DPP6: variants seen among roughly 807,000 people sequenced by gnomAD.
DPP6 encodes the protein A-type potassium channel modulatory protein DPP6.
Under a neutral mutation model 122.6 loss-of-function variants are expected in DPP6, and 69 were observed. That is an observed-to-expected ratio of 0.56 (90% CI 0.46 to 0.69). DPP6 has a LOEUF of 0.69. Among genes scored for constraint, DPP6 ranks in the 30% least tolerant of loss-of-function variants. The pLI, the probability that DPP6 is intolerant of heterozygous loss-of-function variation, is 0.00. For missense variants in DPP6, 928 were observed against 1,116.9 expected, an observed-to-expected ratio of 0.83 and a Z score of 2.41; for synonymous variants, 418 against 433.1, an observed-to-expected ratio of 0.97 and a Z score of 0.43.
rs373335250 is a variant in DPP6 at position 153,921,842 on chromosome 7, A to G, written c.51+34108A>G. Among the ~76,000 whole-genome samples, 36 of 152,342 alleles carry G rather than the reference A, an allele frequency of 2.4e-4. No individual in the cohort carries two copies. In the East Asian group the frequency reaches 3.5e-3, roughly 15 times the overall value. On this transcript the variant is annotated intron_variant, in intron 1 of 25. Coordinates refer to the DPP6 transcript ENST00000404039. ...ACCCCCAAGTCTAAATTTTGATTCA[A>G]GCAAACTTGAAAGTATCTGCAAGGC... is the stretch of plus-strand genomic sequence containing the variant.
intron 7 of DPP6, among the ~76,000 whole-genome samples, chr7:154,673,037 C>A (rs569226932): frequency 1.3e-5 from 2 of 152,238 alleles, no homozygotes; most frequent in South Asian, 2.1e-4. Flanking sequence ...AGCCTGACCC[C>A]AGAGCCACCA....
intron 5 of DPP6, among the ~76,000 whole-genome samples, chr7:154,615,716 C>G (rs1834199745): frequency 8.0e-6 from 1 of 124,994 alleles, no homozygotes; most frequent in South Asian, 3.1e-4. Context: ...TCACCACTAT[C>G]TATACACAAA....
chr7:154,639,110 C>G (rs1189875486), intron 6 of DPP6, among the ~76,000 whole-genome samples: 2 of 152,146 alleles, frequency 1.3e-5, no homozygotes, highest in East Asian at 3.9e-4. Context: ...AGCTGCTGCT[C>G]TCTGTTTTCT....
At chr7:154,566,810 C>A in intron 4 of DPP6, 32 bp from the exon 5 acceptor site, 1 of 1,276,314 alleles carries the variant, frequency 7.8e-7, no homozygotes, top group Non-Finnish European at 1.1e-6. Context: ...GTATGTAATG[C>A]TTTAAAATTC....
chr7:154,218,826 A>G (rs1013164824), intron 1 of DPP6, among the ~76,000 whole-genome samples: 1 of 152,218 alleles, frequency 6.6e-6, no homozygotes, highest in Non-Finnish European at 1.5e-5. Flanking sequence ...AAAAATGCAA[A>G]CATATGTACT....
intron 7 of DPP6, among the ~76,000 whole-genome samples, chr7:154,698,959 A>G (rs1275538088): frequency 1.3e-5 from 2 of 152,202 alleles, no homozygotes; most frequent in Non-Finnish European, 2.9e-5. Flanking sequence ...GATCTGAGTA[A>G]CCTACAGACG....
intron 8 of DPP6, among the ~76,000 whole-genome samples, chr7:154,745,199 C>T (rs1448909790): frequency 6.6e-6 from 1 of 152,166 alleles, no homozygotes; most frequent in Non-Finnish European, 1.5e-5. Context: ...GTCCTGTGAT[C>T]CTGAGAAAAT....
chr7:154,555,513 G>A (rs1829963694), intron 4 of DPP6, among the ~76,000 whole-genome samples: 4 of 152,016 alleles, frequency 2.6e-5, no homozygotes, highest in Non-Finnish European at 5.9e-5. Context: ...TATACCTAAT[G>A]CTAAATGACG....
Position 154,621,057 on chromosome 7 carries a change from C to T in DPP6, c.628-16764C>T, listed in dbSNP as rs531924387. Among the ~76,000 whole-genome samples, 3 of 152,154 alleles carry T rather than the reference C, an allele frequency of 2.0e-5. 1 individual carries two copies. On this transcript the variant is annotated intron_variant, in intron 5 of 25. Coordinates refer to ENST00000377770, the MANE Select transcript of DPP6 (RefSeq NM_130797.4). Reference sequence around the variant, plus strand: ...ATTTTTAGAACTCAGAGCTGAAACCCTACCTCAATACTACCCCTATGTTTT... The same window carrying T: ...ATTTTTAGAACTCAGAGCTGAAACCTTACCTCAATACTACCCCTATGTTTT...
At chr7:153,784,854 TTAAAG>T in the DPP6 span, among the ~76,000 whole-genome samples, 268 of 152,300 alleles carry the variant, frequency 1.8e-3, 3 homozygotes, top group Non-Finnish European at 6.8e-4. Flanking sequence ...ATAACACAAT[TTAAAG>T]TAAGCTGTTA....
At chr7:153,817,640 C>T in the DPP6 span, among the ~76,000 whole-genome samples, 1 of 151,292 alleles carries the variant, frequency 6.6e-6, no homozygotes, top group African/African-American at 2.4e-5. Context: ...AAGCTGGAAA[C>T]CATTATTCTG....
chr7:154,017,679 G>A (rs1798485922), intron 1 of DPP6, among the ~76,000 whole-genome samples: 3 of 145,700 alleles, frequency 2.1e-5, no homozygotes, highest in African/African-American at 7.6e-5. Flanking sequence ...CAGCCTGGGT[G>A]ACAGAGTGAG....
At chr7:153,905,239 G>A (rs527773994) in intron 1 of DPP6, among the ~76,000 whole-genome samples, 1 of 152,294 alleles carries the variant, frequency 6.6e-6, no homozygotes, top group South Asian at 2.1e-4. Context: ...TTTATGGCTG[G>A]CTTTTGGGAA....
chr7:153,891,941 C>G (rs1409139034), intron 1 of DPP6, among the ~76,000 whole-genome samples: 4 of 152,194 alleles, frequency 2.6e-5, no homozygotes, highest in Non-Finnish European at 5.9e-5. Context: ...GAGAATCCCA[C>G]TGTTGATTGT....
intron 1 of DPP6, among the ~76,000 whole-genome samples, chr7:154,375,318 T>C (rs1813036785): frequency 6.6e-6 from 1 of 151,862 alleles, no homozygotes; most frequent in South Asian, 2.1e-4. Context: ...TCGACCACAA[T>C]GGCGAGGGGA....
chr7:154,862,321 A>G (rs1475118188), intron 17 of DPP6, among the ~76,000 whole-genome samples: 2 of 152,252 alleles, frequency 1.3e-5, no homozygotes, highest in African/African-American at 4.8e-5. Flanking sequence ...GCTCCTATGG[A>G]TGCAGAGAGC....
At chr7:154,148,763 A>G (rs1465978555) in intron 1 of DPP6, among the ~76,000 whole-genome samples, 7 of 152,378 alleles carry the variant, frequency 4.6e-5, no homozygotes, top group African/African-American at 1.7e-4. Flanking sequence ...AAAATGCCTC[A>G]TCCCCATCGC....
intron 5 of DPP6, among the ~76,000 whole-genome samples, chr7:154,593,000 C>T (rs1281672004): frequency 2.0e-5 from 3 of 152,236 alleles, no homozygotes; most frequent in South Asian, 2.1e-4. Flanking sequence ...ACCCAGGCTG[C>T]GGGCCGGAGC....
chr7:154,504,437 G>A (rs933742085), intron 3 of DPP6, among the ~76,000 whole-genome samples: 1 of 152,262 alleles, frequency 6.6e-6, no homozygotes. Context: ...TTAGCGATGT[G>A]ACGTATGATC....
Sources: gnomAD v4.1 joint callset for allele counts (sites outside exome capture counted in the v4.1 genomes callset) on GRCh38, gnomAD v4.1.1 for gene constraint, MANE v1.5 for transcripts, NCBI Gene and HGNC (gene_info 2026-07-23, HGNC 2026-07-21) for gene names.